The following NEDD9 variants were observed in gnomAD, a reference collection of about 807,000 sequenced individuals.
NEDD9 encodes the protein neural precursor cell expressed, developmentally down-regulated 9.
Under a neutral mutation model 76.6 loss-of-function variants are expected in NEDD9, and 26 were observed. The ratio of observed to expected loss-of-function variants is 0.34; its 90% CI spans 0.25 to 0.47. The LOEUF (loss-of-function observed/expected upper bound fraction) is 0.47, where lower values mean the gene tolerates loss of function less well. NEDD9 is among the 20% of genes least tolerant of loss of function. The probability of loss-of-function intolerance (pLI) is 1.00; values close to 1 mark genes in which losing one functional copy is unlikely to be tolerated. For missense variants in NEDD9, 937 were observed against 1,058.5 expected (o/e 0.89, Z 1.59); for synonymous variants, 392 against 414.2 (o/e 0.95, Z 0.65).
At position 11,370,742 on chromosome 6, in the gene NEDD9, A is replaced by G. The variant is rs1224825432; in HGVS notation, c.-214+11397T>C. 2.0e-5 allele frequency among the ~76,000 whole-genome samples: 3 copies of G among 152,090 alleles called. No individual in the cohort carries two copies. The highest frequency in any genetic ancestry group is 7.2e-5 in the African/African-American group (3 of 41,412). ...AGCAGATGTCCCTCCAGCACCTCCCATGTGCCAAGAACACAGCAGGGGACA... is the reference window on the plus strand; with the variant it reads ...AGCAGATGTCCCTCCAGCACCTCCCGTGTGCCAAGAACACAGCAGGGGACA... On this transcript the variant is annotated intron_variant, in intron 1 of 3. Coordinates refer to the NEDD9 transcript ENST00000397378. This position sits in a 1 kb window ranked among gnomAD's most constrained non-coding sequence, Gnocchi z 4.2.
intron 1 of NEDD9, among the ~76,000 whole-genome samples, chr6:11,222,683 C>G (rs568471843): frequency 6.6e-6 from 1 of 152,338 alleles, no homozygotes; most frequent in African/African-American, 2.4e-5. Context: ...CAGAGAAATA[C>G]TTTAAAGTTG....
chr6:11,266,495 C>T (rs560193015), intron 3 of NEDD9, among the ~76,000 whole-genome samples: 2 of 152,286 alleles, frequency 1.3e-5, no homozygotes, highest in Admixed American at 1.3e-4. Context: ...ATTATATACA[C>T]AATTCCCTTA....
chr6:11,254,789 C>T (rs922264251), intron 3 of NEDD9, among the ~76,000 whole-genome samples: 3 of 152,172 alleles, frequency 2.0e-5, no homozygotes, highest in Non-Finnish European at 2.9e-5. Flanking sequence ...GACCCTCTTC[C>T]CAGCTACATT....
intron 3 of NEDD9, among the ~76,000 whole-genome samples, chr6:11,299,795 G>A (rs975252184): frequency 1.3e-5 from 2 of 152,226 alleles, no homozygotes; most frequent in Non-Finnish European, 2.9e-5. Context: ...ACTAACAAAC[G>A]GAAAGGAATA....
chr6:11,313,294 G>T (rs139560435), intron 2 of NEDD9, among the ~76,000 whole-genome samples: 40 of 152,062 alleles, frequency 2.6e-4, no homozygotes, highest in African/African-American at 9.4e-4. Context: ...TGGGTGGATT[G>T]TTGAATGGAT....
chr6:11,344,876 A>G (rs1299367958), intron 1 of NEDD9, among the ~76,000 whole-genome samples: 1 of 152,150 alleles, frequency 6.6e-6, no homozygotes, highest in African/African-American at 2.4e-5. Context: ...GTATTCAAAA[A>G]AAAGTGGAGA....
At chr6:11,226,120 T>G (rs990034899) in intron 1 of NEDD9, among the ~76,000 whole-genome samples, 1 of 152,166 alleles carries the variant, frequency 6.6e-6, no homozygotes, top group Non-Finnish European at 1.5e-5. Flanking sequence ...TTCAGGAAAA[T>G]AATCCTTTGC....
intron 3 of NEDD9, among the ~76,000 whole-genome samples, chr6:11,248,668 G>A (rs1759856286): frequency 6.6e-6 from 1 of 152,098 alleles, no homozygotes. Flanking sequence ...CGGAGCCTTT[G>A]GCCTGACACG....
At chr6:11,284,310 C>G (rs12055740) in intron 3 of NEDD9, among the ~76,000 whole-genome samples, 3 of 150,252 alleles carry the variant, frequency 2.0e-5, no homozygotes, top group Non-Finnish European at 4.4e-5. Flanking sequence ...AATCCCAGCA[C>G]TTTGGGAGGC....
At position 11,192,382 on chromosome 6, in the gene NEDD9, T is replaced by A. The variant is rs1758170172; in HGVS notation, c.626A>T (p.Lys209Ile). Residue 209 changes from lysine to isoleucine, a missense_variant, in exon 4 of 7, where the codon AAA becomes ATA. Physicochemically the swap from Lys to Ile is moderately radical, Grantham distance 102. Transcript: ENST00000379446. ...PVFSVPVGEI[K>I]PQGVYDIPPT... ...CGGGATGTCATACACCCCTTGAGGTTTTATCTCTCCCACTGGAACTGAAAA... is the reference window on the plus strand; with the variant it reads ...CGGGATGTCATACACCCCTTGAGGTATTATCTCTCCCACTGGAACTGAAAA... 2 of 1,606,808 alleles carry A rather than the reference T, an allele frequency of 1.2e-6. No individual in the cohort carries two copies. The highest frequency in any genetic ancestry group is 2.7e-5 in the African/African-American group (2 of 74,322).
At chr6:11,305,649 G>A (rs557587785) in intron 3 of NEDD9, among the ~76,000 whole-genome samples, 2 of 152,196 alleles carry the variant, frequency 1.3e-5, no homozygotes, top group Non-Finnish European at 2.9e-5. Context: ...ATTTCCAAAC[G>A]TGGGCAATCA....
chr6:11,364,151 G>A (rs1762722528), intron 1 of NEDD9, among the ~76,000 whole-genome samples: 1 of 152,218 alleles, frequency 6.6e-6, no homozygotes, highest in South Asian at 2.1e-4. Flanking sequence ...GCCAGACAGA[G>A]GGTGTCTAAG....
At chr6:11,218,536 T>C (rs1759043698) in intron 1 of NEDD9, among the ~76,000 whole-genome samples, 2 of 152,178 alleles carry the variant, frequency 1.3e-5, no homozygotes, top group South Asian at 4.1e-4. Flanking sequence ...TTCAAGACTG[T>C]GAACTCCTTA....
chr6:11,186,016 G>A (rs985372516), intron 6 of NEDD9, among the ~76,000 whole-genome samples: 6 of 152,180 alleles, frequency 3.9e-5, no homozygotes, highest in Non-Finnish European at 8.8e-5. Context: ...TTGGTATGTA[G>A]TAGGCTCTAT....
Position 11,213,282 on chromosome 6 carries a change from T to C in NEDD9, c.458A>G (p.Lys153Arg). Reference sequence around the variant, plus strand: ...AAATTTAGTTAGTCATTTACTCACCTTTTTACCCACGTGGGGCCCACTGGT... The same window carrying C: ...AAATTTAGTTAGTCATTTACTCACCCTTTTACCCACGTGGGGCCCACTGGT... The part of the protein sequence containing the change: ...GGTSGPHVGK[K>R]VITPVRTGHG... Residue 153 changes from lysine to arginine, a missense_variant and splice_region_variant, in exon 2 of 7, where the codon AAG becomes AGG. Transcript: ENST00000379446. The surrounding 1 kb of genome is among the most constrained non-coding windows in gnomAD (Gnocchi z 5.4). 5 of 1,595,278 alleles carry C rather than the reference T, an allele frequency of 3.1e-6. No homozygotes were observed. The highest frequency in any genetic ancestry group is 2.2e-5 in the East Asian group (1 of 44,498).
intron 2 of NEDD9, among the ~76,000 whole-genome samples, chr6:11,328,343 T>C (rs140864867): frequency 6.6e-6 from 1 of 152,356 alleles, no homozygotes; most frequent in East Asian, 1.9e-4. Context: ...TTTACATTCA[T>C]ACATATCAGG....
chr6:11,361,043 C>T (rs910611317), intron 1 of NEDD9, among the ~76,000 whole-genome samples: 1 of 152,150 alleles, frequency 6.6e-6, no homozygotes, highest in Non-Finnish European at 1.5e-5. Context: ...TTTCTTATTG[C>T]CATTTACTTT....
intron 3 of NEDD9, among the ~76,000 whole-genome samples, chr6:11,242,234 T>C (rs575342586): frequency 3.9e-5 from 6 of 152,206 alleles, no homozygotes; most frequent in East Asian, 1.9e-4. Context: ...GCAATGAGCA[T>C]GCACAAGACT....
chr6:11,359,364 T>A (rs1226815411), intron 1 of NEDD9, among the ~76,000 whole-genome samples: 6 of 152,204 alleles, frequency 3.9e-5, no homozygotes, highest in African/African-American at 1.4e-4. Flanking sequence ...TTTGCCATAT[T>A]TGGATTTCTC....
Sources: allele counts gnomAD v4.1 joint callset (sites outside exome capture counted in the v4.1 genomes callset), GRCh38; gene constraint gnomAD v4.1.1; non-coding constraint Gnocchi (gnomAD v3.1); transcripts MANE v1.5; gene names NCBI Gene and HGNC (gene_info 2026-07-23, HGNC 2026-07-21).